TENM2: variants seen among roughly 807,000 people sequenced by gnomAD.
TENM2 encodes teneurin transmembrane protein 2.
In TENM2, 52 loss-of-function variants were observed where a neutral mutation model predicts 245.2. The observed-to-expected ratio is 0.21, with a 90% CI of 0.17 to 0.27. TENM2 has a LOEUF of 0.27. Ranked by LOEUF, TENM2 falls within the 10% of genes least tolerant of loss-of-function variation. TENM2 has a pLI of 1.00. For missense variants in TENM2, 3,046 were observed against 3,666.8 expected (o/e 0.83, Z 4.37); for synonymous variants, 1,363 against 1,438.9 (o/e 0.95, Z 1.19).
intron 2 of TENM2, among the ~76,000 whole-genome samples, chr5:167,528,784 C>CAATGA (rs1201863614): frequency 2.6e-5 from 4 of 152,136 alleles, no homozygotes; most frequent in African/African-American, 9.7e-5. Context: ...CTGTTGAACT[C>CAATGA]AATGAAATGA....
chr5:167,305,709 T>C (rs1238585169), intron 1 of TENM2, among the ~76,000 whole-genome samples: 1 of 152,236 alleles, frequency 6.6e-6, no homozygotes, highest in Non-Finnish European at 1.5e-5. Flanking sequence ...CGGCACATTT[T>C]ATTCATGGAC....
At chr5:167,198,710 T>C in the TENM2 span, among the ~76,000 whole-genome samples, 3 of 152,060 alleles carry the variant, frequency 2.0e-5, no homozygotes. Context: ...CCCTGTCCGG[T>C]CCCAGCTGTG....
chr5:168,043,405 G>A (rs1432820), intron 5 of TENM2, among the ~76,000 whole-genome samples: 1 of 151,986 alleles, frequency 6.6e-6, no homozygotes, highest in Non-Finnish European at 1.5e-5. Flanking sequence ...TCTAAGTCTG[G>A]TTCTGAGAGT....
intron 12 of TENM2, among the ~76,000 whole-genome samples, chr5:168,152,664 A>G (rs547707778): frequency 6.6e-6 from 1 of 152,268 alleles, no homozygotes; most frequent in East Asian, 1.9e-4. Flanking sequence ...CAACAACTTG[A>G]TTCACCTCCA....
At chr5:168,188,479 A>G (rs1294919143) in intron 13 of TENM2, among the ~76,000 whole-genome samples, 1 of 152,228 alleles carries the variant, frequency 6.6e-6, no homozygotes, top group Non-Finnish European at 1.5e-5. Context: ...CACTGCCCTA[A>G]ACATTCCCAT....
At chr5:167,511,407 C>G (rs938176780) in intron 2 of TENM2, among the ~76,000 whole-genome samples, 5 of 152,158 alleles carry the variant, frequency 3.3e-5, no homozygotes, top group Middle Eastern at 3.2e-3. Flanking sequence ...CTCCTCCTCC[C>G]TAGGACAGAG....
chr5:167,782,650 A>G (rs558722768), intron 2 of TENM2, among the ~76,000 whole-genome samples: 1 of 152,332 alleles, frequency 6.6e-6, no homozygotes, highest in African/African-American at 2.4e-5. Flanking sequence ...GTAAAAACAA[A>G]AAAATTACAA....
intron 2 of TENM2, among the ~76,000 whole-genome samples, chr5:167,685,906 G>A (rs951443639): frequency 6.6e-6 from 1 of 152,166 alleles, no homozygotes; most frequent in South Asian, 2.1e-4. Flanking sequence ...GTAGAAGCAG[G>A]TAGTTATCAG....
chr5:167,848,981 A>G (rs191211185), intron 2 of TENM2, among the ~76,000 whole-genome samples: 49 of 152,270 alleles, frequency 3.2e-4, no homozygotes, highest in Admixed American at 5.2e-4. Context: ...GTAACAGATT[A>G]CCACAGACTT....
At chr5:168,106,183 G>A (rs931032067) in intron 9 of TENM2, among the ~76,000 whole-genome samples, 1 of 152,142 alleles carries the variant, frequency 6.6e-6, no homozygotes, top group African/African-American at 2.4e-5. Context: ...ACAACCACGG[G>A]AACATAAAGT....
At chr5:167,037,510 G>A in the TENM2 span, among the ~76,000 whole-genome samples, 2 of 152,120 alleles carry the variant, frequency 1.3e-5, no homozygotes, top group East Asian at 3.9e-4. Flanking sequence ...ACGTGGATTC[G>A]TTGCTGGCTA....
chr5:167,837,710 C>T (rs1769129762), intron 2 of TENM2, among the ~76,000 whole-genome samples: 1 of 152,096 alleles, frequency 6.6e-6, no homozygotes, highest in Non-Finnish European at 1.5e-5. Context: ...CTTAAGATTG[C>T]TCTGACTCAA....
chr5:168,238,303 A>AG lies in TENM2; in HGVS notation c.5521-6117_5521-6116insG, dbSNP rs879420208. Reference sequence around the variant, plus strand: ...AGAAAAGAAAAGAAAAGAAAAGAAAAAATCCCAGAAGACTGACCCGGAAAG... The same window carrying AG: ...AGAAAAGAAAAGAAAAGAAAAGAAAAGAATCCCAGAAGACTGACCCGGAAAG... On this transcript the variant is annotated intron_variant, in intron 25 of 28. Transcript: ENST00000518659. 7.0e-3 allele frequency among the ~76,000 whole-genome samples: 1,011 copies of AG among 145,420 alleles called. 29 individuals are homozygous for AG. Among genetic ancestry groups the AG allele is most frequent in the Non-Finnish European group, 8.1e-3 (541 of 66,416 alleles).
At chr5:167,200,081 G>C in the TENM2 span, among the ~76,000 whole-genome samples, 2 of 152,062 alleles carry the variant, frequency 1.3e-5, no homozygotes, top group Admixed American at 1.3e-4. Context: ...ATGAGGATGA[G>C]CCAGCAAAAG....
At chr5:167,639,968 A>G (rs1173253097) in intron 2 of TENM2, among the ~76,000 whole-genome samples, 5 of 152,190 alleles carry the variant, frequency 3.3e-5, no homozygotes, top group African/African-American at 9.7e-5. Flanking sequence ...ATTTGCATCT[A>G]TGATTTGTCA....
At chr5:168,185,384 G>A (rs4976582) in intron 13 of TENM2, among the ~76,000 whole-genome samples, 69,474 of 151,900 alleles carry the variant, frequency 0.46, 18,215 homozygotes, top group Non-Finnish European at 0.58. Context: ...TTCATTATAC[G>A]ACACTGCTCT....
chr5:167,035,489 A>G, the TENM2 span, among the ~76,000 whole-genome samples: 1 of 152,348 alleles, frequency 6.6e-6, no homozygotes, highest in African/African-American at 2.4e-5. Context: ...GATGTCGTTC[A>G]TCACCATTTT....
chr5:167,540,065 C>T (rs1772100503), intron 2 of TENM2, among the ~76,000 whole-genome samples: 1 of 152,128 alleles, frequency 6.6e-6, no homozygotes, highest in African/African-American at 2.4e-5. Flanking sequence ...TTAAGTGATA[C>T]AACTTTTATT....
intron 3 of TENM2, among the ~76,000 whole-genome samples, chr5:167,941,414 A>C (rs1779168505): frequency 6.6e-6 from 1 of 152,224 alleles, no homozygotes; most frequent in South Asian, 2.1e-4. Context: ...TGCAAGTGTG[A>C]AAAATAAGTG....
Sources: gnomAD v4.1 joint callset for allele counts (sites outside exome capture counted in the v4.1 genomes callset) on GRCh38, gnomAD v4.1.1 for gene constraint, MANE v1.5 for transcripts, NCBI Gene and HGNC (gene_info 2026-07-23, HGNC 2026-07-21) for gene names.